Variants in BID observed in about 807,000 individuals in gnomAD.
The protein encoded by BID is BH3-interacting domain death agonist.
A neutral mutation model predicts 17.4 loss-of-function variants in BID; 19 were observed. The observed-to-expected ratio is 1.09, with a 90% CI of 0.76 to 1.60. The LOEUF is 1.60. Ranked by LOEUF, BID falls within the 40% of genes most tolerant of loss-of-function variation. BID has a pLI of 0.00. For synonymous variants in BID, 108 were observed against 102.8 expected (o/e 1.05, Z -0.31); for missense variants, 226 against 256.0 (o/e 0.88, Z 0.80).
chr22:17,762,555 C>A (rs5992817), intron 1 of BID, among the ~76,000 whole-genome samples: 77,566 of 149,324 alleles, frequency 0.52, 21,410 homozygotes, highest in East Asian at 0.76. Context: ...TGAATGAACA[C>A]TTTTTTTTTT....
intron 2 of BID, among the ~76,000 whole-genome samples, chr22:17,745,587 C>T (rs1215351423): frequency 6.6e-6 from 1 of 151,946 alleles, no homozygotes; most frequent in Admixed American, 6.6e-5. Flanking sequence ...AAGTTTGAGG[C>T]TGCAATGAGC....
chr22:17,768,741 GGGC>G (rs1355251230), intron 1 of BID, among the ~76,000 whole-genome samples: 1 of 152,130 alleles, frequency 6.6e-6, no homozygotes, highest in African/African-American at 2.4e-5. Context: ...GCATGGTGGT[GGGC>G]ACCTGTAGTC....
chr22:17,738,246 A>G lies in BID; in HGVS notation c.364-17T>C, dbSNP rs570510927. On this transcript the variant is annotated splice_polypyrimidine_tract_variant and intron_variant, in intron 4 of 5. Transcript: ENST00000622694. The stretch of plus-strand genomic sequence containing the variant: ...GTTCCGGTCCTGCACAGAGGGGCAC[A>G]CAGAACCTGGTTTACTAATACTCTT... The G allele has an allele frequency of 1.9e-6, 3 of 1,605,368 alleles. No individual in the cohort carries two copies. The highest frequency in any genetic ancestry group is 2.7e-5 in the African/African-American group (2 of 74,940).
chr22:17,763,431 AC>A (rs1310928631), intron 1 of BID, among the ~76,000 whole-genome samples: 2 of 152,006 alleles, frequency 1.3e-5, no homozygotes, highest in Non-Finnish European at 2.9e-5. Context: ...TTTAGTAGAG[AC>A]CGGGTTCCTC....
intron 1 of BID, 83 bp downstream of exon 1, chr22:17,774,298 A>T (rs1324714246): frequency 6.6e-6 from 1 of 152,266 alleles, no homozygotes; most frequent in Non-Finnish European, 1.5e-5. Context: ...GCGGGCCCTG[A>T]GCTCCACGCC....
intron 4 of BID, among the ~76,000 whole-genome samples, chr22:17,739,067 C>CT (rs1194852492): frequency 1.3e-5 from 2 of 152,256 alleles, no homozygotes; most frequent in African/African-American, 4.8e-5. Context: ...AAGGAAGCGT[C>CT]TGTTTCTTCT....
chr22:17,750,308 G>C (rs1406744403), intron 1 of BID, 134 bp from the exon 2 acceptor site: 3 of 731,948 alleles, frequency 4.1e-6, no homozygotes, highest in South Asian at 1.7e-5. Flanking sequence ...CCCGCATCCT[G>C]AGTTTCTTTC....
At chr22:17,761,457 A>G (rs1233063878) in intron 1 of BID, among the ~76,000 whole-genome samples, 1 of 139,512 alleles carries the variant, frequency 7.2e-6, no homozygotes, top group Non-Finnish European at 1.5e-5. Context: ...TTTGAGATGA[A>G]GTCTCGCTCT....
At chr22:17,739,026 A>T (rs908473263) in intron 4 of BID, among the ~76,000 whole-genome samples, 3 of 152,140 alleles carry the variant, frequency 2.0e-5, no homozygotes, top group African/African-American at 7.2e-5. Context: ...TACGGTTCTC[A>T]CTGGCACCAT....
chr22:17,734,175 T>G lies in BID; in HGVS notation c.*1405A>C, dbSNP rs1261269551. On this transcript the variant is annotated 3_prime_UTR_variant, in exon 6 of 6. Transcript: ENST00000622694. ...GAAGATTTATTTCCAAACAGTGGCC[T>G]CCACACTGCGCGGCAGCACTTCTTT... 1.3e-5 allele frequency: 2 copies of G among 152,234 alleles called. No individual in the cohort carries two copies. Among genetic ancestry groups the G allele is most frequent in the Non-Finnish European group, 2.9e-5 (2 of 68,038 alleles). The allele number at this position is 152,234 out of a possible 1,614,324, so 9.4% of individuals were successfully genotyped here.
intron 2 of BID, among the ~76,000 whole-genome samples, chr22:17,748,754 C>T (rs1016144441): frequency 1.3e-5 from 2 of 152,154 alleles, no homozygotes; most frequent in African/African-American, 4.8e-5. Context: ...AGGGCAGGCG[C>T]CTCCTCCGGC....
At chr22:17,768,880 A>C (rs1347199022) in intron 1 of BID, among the ~76,000 whole-genome samples, 2 of 150,298 alleles carry the variant, frequency 1.3e-5, no homozygotes, top group Admixed American at 1.3e-4. Context: ...CTCAAAAAAA[A>C]AAAAAAAAAA....
At chr22:17,774,582 G>A (rs574564029), upstream of BID, 7 of 150,266 alleles carry the variant, frequency 4.7e-5, no homozygotes, top group East Asian at 1.2e-3. Flanking sequence ...CCGGCGCGGG[G>A]CTGTGGAGCG....
Position 17,773,855 on chromosome 22 carries a change from G to A in BID, c.-59+526C>T, listed in dbSNP as rs1458376970. 5 of 716,326 alleles carry A rather than the reference G, an allele frequency of 7.0e-6. No homozygotes were observed. Among genetic ancestry groups the A allele is most frequent in the Non-Finnish European group, 1.2e-5 (5 of 434,514 alleles). 44.4% of individuals were successfully genotyped at this position (716,326 alleles called of 1,614,324 possible). A position where few individuals can be genotyped will look rare whatever the true frequency, so the allele number is the denominator to read the frequency against. ...ATTGCCAGTGCTCTAAGGAGCGGGC[G>A]AGCCCCAGTAAGCGGCCGCTCTGAC... On this transcript the variant is annotated intron_variant, in intron 1 of 5. Coordinates refer to ENST00000622694, the MANE Select transcript of BID (RefSeq NM_001196.4). This position sits in a 1 kb window ranked among gnomAD's most constrained non-coding sequence, Gnocchi z 4.4.
chr22:17,772,364 G>A (rs1233675800), intron 1 of BID, among the ~76,000 whole-genome samples: 2 of 152,220 alleles, frequency 1.3e-5, no homozygotes, highest in Non-Finnish European at 2.9e-5. Context: ...AGCTGCTCTC[G>A]GGGACACTCC....
intron 1 of BID, among the ~76,000 whole-genome samples, chr22:17,757,133 G>A (rs566898178): frequency 6.6e-5 from 10 of 152,180 alleles, no homozygotes; most frequent in Admixed American, 2.0e-4. Context: ...ACCAGGCTTC[G>A]GCCGGGCACG....
chr22:17,736,580 G>C (rs1002216405), intron 5 of BID, among the ~76,000 whole-genome samples: 1 of 152,150 alleles, frequency 6.6e-6, no homozygotes, highest in Non-Finnish European at 1.5e-5. Context: ...GCTACATGGG[G>C]GCAGCTGCAA....
At position 17,738,170 on chromosome 22, in the gene BID, G is replaced by A; in HGVS notation, c.423C>T (p.Asp141=). Reference sequence around the variant, plus strand: ...CCAGCATGGTCTTCTCCTTCTCCATGTCTCTAGGGTAGGCCTGCAGCAGCT... The same window carrying A: ...CCAGCATGGTCTTCTCCTTCTCCATATCTCTAGGGTAGGCCTGCAGCAGCT... ...LEQLLQAYPR[D]MEKEKTMLVL... is the part of the protein sequence containing the mutation. Residue 141 remains aspartate (D), a synonymous_variant, in exon 5 of 6, where the codon GAC becomes GAT. Transcript: ENST00000622694. 1 of 1,613,424 alleles carries A rather than the reference G, an allele frequency of 6.2e-7. No homozygotes were observed. The highest frequency in any genetic ancestry group is 8.5e-7 in the Non-Finnish European group (1 of 1,180,038).
At chr22:17,771,485 C>T (rs2061720197) in intron 1 of BID, among the ~76,000 whole-genome samples, 1 of 151,688 alleles carries the variant, frequency 6.6e-6, no homozygotes, top group South Asian at 2.1e-4. Context: ...AATCACAGCT[C>T]ACTATAGCCT....
Sources: allele counts gnomAD v4.1 joint callset (sites outside exome capture counted in the v4.1 genomes callset), GRCh38; gene constraint gnomAD v4.1.1; non-coding constraint Gnocchi (gnomAD v3.1); transcripts MANE v1.5; gene names NCBI Gene and HGNC (gene_info 2026-07-23, HGNC 2026-07-21).